The following RALYL variants were observed in gnomAD, a reference collection of about 807,000 sequenced individuals.
RALYL encodes RNA-binding Raly-like protein.
Under a neutral mutation model 35.1 loss-of-function variants are expected in RALYL, and 29 were observed. The observed-to-expected ratio is 0.83, with a 90% CI of 0.61 to 1.13. The LOEUF (loss-of-function observed/expected upper bound fraction) is 1.13. RALYL is among the 50% of genes most tolerant of loss of function. The pLI is 0.00. For synonymous variants in RALYL, 120 were observed against 127.6 expected (o/e 0.94, Z 0.40); for missense variants, 359 against 360.4 (o/e 1.00, Z 0.03).
chr8:84,710,845 T>C (rs1253756078), intron 2 of RALYL, among the ~76,000 whole-genome samples: 1 of 152,116 alleles, frequency 6.6e-6, no homozygotes, highest in African/African-American at 2.4e-5. Context: ...GCTCTAATGG[T>C]AGGGCTATAG....
At chr8:84,669,525 G>T (rs950749829) in intron 2 of RALYL, among the ~76,000 whole-genome samples, 59 of 117,886 alleles carry the variant, frequency 5.0e-4, no homozygotes, top group African/African-American at 1.8e-3. Flanking sequence ...AGTGTCTGTT[G>T]TTCCCATCTT....
intron 1 of RALYL, among the ~76,000 whole-genome samples, chr8:84,211,874 C>A (rs1039685894): frequency 2.0e-5 from 3 of 151,986 alleles, no homozygotes; most frequent in African/African-American, 7.2e-5. Context: ...AATAATAAAA[C>A]ATTATCAAAA....
chr8:84,482,619 G>A (rs77177256), intron 1 of RALYL, among the ~76,000 whole-genome samples: 404 of 152,120 alleles, frequency 2.7e-3, no homozygotes, highest in African/African-American at 8.3e-3. Flanking sequence ...ACAGAACACA[G>A]ATATCCAAAA....
intron 2 of RALYL, among the ~76,000 whole-genome samples, chr8:84,576,317 A>C (rs182706205): frequency 3.9e-4 from 59 of 152,348 alleles, no homozygotes; most frequent in African/African-American, 1.3e-3. Context: ...TGTAAGTAAA[A>C]TGTGTTTTGA....
At chr8:84,789,148 G>C (rs1013174170) in intron 3 of RALYL, among the ~76,000 whole-genome samples, 1 of 152,208 alleles carries the variant, frequency 6.6e-6, no homozygotes, top group African/African-American at 2.4e-5. Flanking sequence ...TCCTAACTCA[G>C]AGAATCTATC....
chr8:84,844,214 A>T (rs2134663597), intron 4 of RALYL, among the ~76,000 whole-genome samples: 1 of 152,222 alleles, frequency 6.6e-6, no homozygotes, highest in South Asian at 2.1e-4. Flanking sequence ...TTTGCAACCT[A>T]CTCATCTGAT....
chr8:84,448,879 T>A (rs956012055), intron 1 of RALYL, among the ~76,000 whole-genome samples: 1 of 152,018 alleles, frequency 6.6e-6, no homozygotes, highest in Non-Finnish European at 1.5e-5. Flanking sequence ...TCTTCTCCTT[T>A]CTTTTTACTT....
In RALYL at chr8:84,834,857, C is replaced by T. The variant is rs574108158; in HGVS notation, c.366-15123C>T. ...GAAAGTTCCACAGATGTGTAACATT[C>T]GATTTAAAAAAATATCTTTGGGTGA... is the stretch of plus-strand genomic sequence containing the variant. On this transcript the variant is annotated intron_variant, in intron 4 of 8. Transcript: ENST00000521268. Among the ~76,000 whole-genome samples, 210 of 152,064 alleles carry T rather than the reference C, an allele frequency of 1.4e-3. 8 individuals are homozygous for T. In the South Asian group the frequency reaches 0.041, roughly 30 times the overall value.
intron 2 of RALYL, among the ~76,000 whole-genome samples, chr8:84,638,397 G>C (rs1225902215): frequency 6.6e-6 from 1 of 151,706 alleles, no homozygotes; most frequent in Non-Finnish European, 1.5e-5. Flanking sequence ...ACACCTGAAA[G>C]AACTAGAGAA....
intron 3 of RALYL, among the ~76,000 whole-genome samples, chr8:84,787,488 G>A (rs527668103): frequency 3.0e-4 from 46 of 152,222 alleles, no homozygotes; most frequent in Admixed American, 1.8e-3. Flanking sequence ...ACATACATGC[G>A]CATGTGTCTT....
chr8:84,716,935 T>C (rs1353328453), intron 2 of RALYL, among the ~76,000 whole-genome samples: 2 of 152,122 alleles, frequency 1.3e-5, no homozygotes, highest in Non-Finnish European at 2.9e-5. Context: ...ATAAAGATCA[T>C]AGATATGCTT....
At chr8:84,831,555 C>T (rs1160380357) in intron 4 of RALYL, among the ~76,000 whole-genome samples, 2 of 152,050 alleles carry the variant, frequency 1.3e-5, no homozygotes, top group Non-Finnish European at 1.5e-5. Context: ...AATATTTAGT[C>T]ATGTTCTTTA....
intron 1 of RALYL, among the ~76,000 whole-genome samples, chr8:84,339,863 G>A (rs1848478937): frequency 1.3e-5 from 2 of 152,064 alleles, no homozygotes. Flanking sequence ...CATTTTATGA[G>A]GACAGTTATG....
chr8:84,428,512 T>A (rs373881055), intron 1 of RALYL, among the ~76,000 whole-genome samples: 2 of 152,190 alleles, frequency 1.3e-5, no homozygotes, highest in East Asian at 1.9e-4. Flanking sequence ...AACATAGAAT[T>A]CTTGATGTAA....
At chr8:84,306,301 G>A (rs1841790509) in intron 1 of RALYL, among the ~76,000 whole-genome samples, 1 of 152,100 alleles carries the variant, frequency 6.6e-6, no homozygotes, top group Non-Finnish European at 1.5e-5. Context: ...AGTTTTTTGG[G>A]GGATGCTTGT....
chr8:84,394,826 A>T (rs1861442232), intron 1 of RALYL, among the ~76,000 whole-genome samples: 1 of 151,938 alleles, frequency 6.6e-6, no homozygotes, highest in African/African-American at 2.4e-5. Flanking sequence ...TCCCAAGTTC[A>T]CAATTCTTAC....
At chr8:84,711,860 T>G (rs1027694630) in intron 2 of RALYL, among the ~76,000 whole-genome samples, 1 of 152,214 alleles carries the variant, frequency 6.6e-6, no homozygotes, top group African/African-American at 2.4e-5. Flanking sequence ...CAAATACTTA[T>G]GTTGATACCA....
intron 8 of RALYL, among the ~76,000 whole-genome samples, chr8:84,890,798 G>A (rs1391401683): frequency 9.0e-6 from 1 of 111,090 alleles, no homozygotes; most frequent in Non-Finnish European, 1.6e-5. Flanking sequence ...TTGTCAGATA[G>A]TGCAAAAAAA....
At chr8:84,516,034 G>T (rs1160654646) in intron 1 of RALYL, among the ~76,000 whole-genome samples, 1 of 151,224 alleles carries the variant, frequency 6.6e-6, no homozygotes, top group Admixed American at 6.6e-5. Flanking sequence ...GGGCGGTGTG[G>T]GGTGGGGCTG....
Sources: gnomAD v4.1 joint callset for allele counts (sites outside exome capture counted in the v4.1 genomes callset) on GRCh38, gnomAD v4.1.1 for gene constraint, MANE v1.5 for transcripts, NCBI Gene and HGNC (gene_info 2026-07-23, HGNC 2026-07-21) for gene names.